CD93: variants seen among roughly 807,000 people sequenced by gnomAD.
CD93 encodes complement component C1q receptor.
Under a neutral mutation model 45.5 loss-of-function variants are expected in CD93, and 44 were observed. The ratio of observed to expected loss-of-function variants is 0.97; its 90% CI spans 0.76 to 1.24. The LOEUF is 1.24. Ranked by LOEUF, CD93 falls within the 50% of genes most tolerant of loss-of-function variation. The pLI is 0.00. For synonymous variants in CD93, 431 were observed against 370.8 expected (o/e 1.16, Z -1.87); for missense variants, 918 against 844.5 (o/e 1.09, Z -1.08).
In CD93 at chr20:23,085,380, G is replaced by A. The variant is rs1390515553; in HGVS notation, c.813C>T (p.Cys271=). The A allele has an allele frequency of 2.5e-6, 4 of 1,613,804 alleles. No homozygotes were observed. The highest frequency in any genetic ancestry group is 3.3e-5 in the Admixed American group (2 of 60,004). ...KYGCNFNNGG[C]HQDCFEGGDG... ...CCCCCCCTTCAAAGCAGTCCTGGTGGCAGCCCCCATTGTTGAAGTTGCAGC... is the reference window on the plus strand; with the variant it reads ...CCCCCCCTTCAAAGCAGTCCTGGTGACAGCCCCCATTGTTGAAGTTGCAGC... The change falls in exon 1 of 2, where the codon TGC becomes TGT. Residue 271 remains cysteine, a synonymous_variant. Coordinates refer to ENST00000246006, the MANE Select transcript of CD93 (RefSeq NM_012072.4).
At position 23,084,374 on chromosome 20, in the gene CD93, G is replaced by A. The variant is rs780310991; in HGVS notation, c.1819C>T (p.Arg607Cys). The change falls in exon 1 of 2, where the codon CGC becomes TGC. Residue 607 changes from arginine (R) to cysteine (C), a missense_variant. Arg to Cys is a radical substitution (Grantham distance 180). Transcript: ENST00000246006. ...TCCTCCCTCTTCGCTCTCCGCTTGCGATAGACCAGTAGCCCCAGAGCCAGG... is the reference window on the plus strand; with the variant it reads ...TCCTCCCTCTTCGCTCTCCGCTTGCAATAGACCAGTAGCCCCAGAGCCAGG... ...LALALGLLVY[R>C]KRRAKREEKK... is the part of the protein sequence containing the mutation. 16 of 1,614,094 alleles carry A rather than the reference G, an allele frequency of 9.9e-6. No homozygotes were observed. The highest frequency in any genetic ancestry group is 6.7e-5 in the Admixed American group (4 of 60,006).
At position 23,084,971 on chromosome 20, in the gene CD93, G is replaced by A; in HGVS notation, c.1222C>T (p.His408Tyr). 6.2e-7 allele frequency: 1 copy of A among 1,613,830 alleles called. No individual in the cohort carries two copies. Among genetic ancestry groups the A allele is most frequent in the Non-Finnish European group, 8.5e-7 (1 of 1,180,000 alleles). Residue 408 changes from histidine to tyrosine, a missense_variant, in exon 1 of 2, where the codon CAC becomes TAC. Transcript: ENST00000246006. ...ACGTAGCCCTCCTCACAGGAGCAGT[G>A]AAATGAGCCATCTGTGTTGGTGCAG... ...QGCTNTDGSF[H>Y]CSCEEGYVLA...
rs1276620144 is a variant in CD93 at position 23,083,763 on chromosome 20, A to G, written c.*187T>C. ...CACGCCAACACACAGCTTCCACTTCAGGAACATCAAACACCCGTAGAAAAT... is the reference window on the plus strand; with the variant it reads ...CACGCCAACACACAGCTTCCACTTCGGGAACATCAAACACCCGTAGAAAAT... On this transcript the variant is annotated 3_prime_UTR_variant, in exon 2 of 2. Transcript: ENST00000246006. 1 of 638,842 alleles carries G rather than the reference A, an allele frequency of 1.6e-6. No homozygotes were observed. The highest frequency in any genetic ancestry group is 1.8e-5 in the African/African-American group (1 of 54,694). 39.6% of individuals were successfully genotyped at this position (638,842 alleles called of 1,614,324 possible). A position where few individuals can be genotyped will look rare whatever the true frequency, so the allele number is the denominator to read the frequency against.
rs1359602891 is a variant in CD93 at position 23,081,856 on chromosome 20, A to T, written c.*2094T>A. The T allele has an allele frequency of 6.6e-6, 1 of 152,204 alleles. No homozygotes were observed. Among genetic ancestry groups the T allele is most frequent in the East Asian group, 1.9e-4 (1 of 5,188 alleles). The allele number at this position is 152,204 out of a possible 1,614,324, so 9.4% of individuals were successfully genotyped here. On this transcript the variant is annotated 3_prime_UTR_variant, in exon 2 of 2. Transcript: ENST00000246006. ...AGAAATGTCTCCTTCACCCCAAATGATAAGGGCAAGGATTTTCAAGGCCCA... is the reference window on the plus strand; with the variant it reads ...AGAAATGTCTCCTTCACCCCAAATGTTAAGGGCAAGGATTTTCAAGGCCCA...
Position 23,082,762 on chromosome 20 carries a change from A to C in CD93, c.*1188T>G, listed in dbSNP as rs551248986. On this transcript the variant is annotated 3_prime_UTR_variant, in exon 2 of 2. Transcript: ENST00000246006. ...TTACCCCCAATTTTAAGGAAAAGAGACAGAGAACAAAAGTTCCTTAAGCAA... is the reference window on the plus strand; with the variant it reads ...TTACCCCCAATTTTAAGGAAAAGAGCCAGAGAACAAAAGTTCCTTAAGCAA... 6.6e-6 allele frequency: 1 copy of C among 152,382 alleles called. No homozygotes were observed. The highest frequency in any genetic ancestry group is 6.5e-5 in the Admixed American group (1 of 15,278). The allele number at this position is 152,382 out of a possible 1,614,324, so 9.4% of individuals were successfully genotyped here.
Position 23,085,151 on chromosome 20 carries a change from C to T in CD93, c.1042G>A (p.Glu348Lys), listed in dbSNP as rs1425826446. 1.3e-6 allele frequency: 2 copies of T among 1,580,424 alleles called. No homozygotes were observed. The highest frequency in any genetic ancestry group is 1.3e-5 in the African/African-American group (1 of 74,322). ...TGGGCACAGGGGGAGTCCTGGCATT[C>T]ATCCACGTCCACACAGTCCAGCTGA... ...SSQLDCVDVD[E>K]CQDSPCAQEC... is the part of the protein sequence containing the mutation. The change falls in exon 1 of 2, where the codon GAA becomes AAA. Residue 348 changes from glutamate to lysine, a missense_variant. Physicochemically the swap from Glu to Lys is moderately conservative, Grantham distance 56. Transcript: ENST00000246006.
Position 23,084,619 on chromosome 20 carries a change from G to A in CD93, c.1574C>T (p.Ala525Val). The A allele has an allele frequency of 6.2e-7, 1 of 1,608,266 alleles. No individual in the cohort carries two copies. The highest frequency in any genetic ancestry group is 8.5e-7 in the Non-Finnish European group (1 of 1,176,744). ...TTSRPSLSSD[A>V]PITSAPLKML... ...CTTGAGTGGGGCAGATGTGATGGGGGCGTCAGATGACAGCGAAGGTCTACT... is the reference window on the plus strand; with the variant it reads ...CTTGAGTGGGGCAGATGTGATGGGGACGTCAGATGACAGCGAAGGTCTACT... Residue 525 changes from alanine to valine, a missense_variant, in exon 1 of 2, where the codon GCC (alanine) becomes GTC (valine). Transcript: ENST00000246006.
chr20:23,085,028 A>T lies in CD93; in HGVS notation c.1165T>A (p.Cys389Ser). ...GCGCAAGGCGAGCGACCCAGAGCAC[A>T]CTCATCCACATCCTGACAGGCCCCC... The part of the protein sequence containing the change: ...GEGACQDVDE[C>S]ALGRSPCAQG... The change falls in exon 1 of 2, where the codon TGT (cysteine) becomes AGT (serine). Residue 389 changes from cysteine to serine, a missense_variant. By Grantham distance (112) the Cys-to-Ser change is moderately radical (BLOSUM62 -1). Transcript: ENST00000246006. The T allele has an allele frequency of 6.2e-7, 1 of 1,613,832 alleles. No homozygotes were observed. Among genetic ancestry groups the T allele is most frequent in the South Asian group, 1.1e-5 (1 of 91,086 alleles).
rs1985421326 is a variant in CD93, at chr20:23,084,630, C to T, written c.1563G>A (p.Leu521=). The stretch of plus-strand genomic sequence containing the variant: ...CAGATGTGATGGGGGCGTCAGATGA[C>T]AGCGAAGGTCTACTTGTGGTGGGTG... The part of the protein sequence containing the change: ...KATPTTSRPS[L]SSDAPITSAP... Residue 521 remains leucine (L), a synonymous_variant, in exon 1 of 2, where the codon CTG becomes CTA. Transcript: ENST00000246006. 1.2e-6 allele frequency: 2 copies of T among 1,603,952 alleles called. No individual in the cohort carries two copies. The highest frequency in any genetic ancestry group is 8.5e-7 in the Non-Finnish European group (1 of 1,174,634).
rs1345792797 is a variant in CD93 at position 23,079,826 on chromosome 20, AT to A, written c.*4123del. On this transcript the variant is annotated 3_prime_UTR_variant, in exon 2 of 2. Coordinates refer to ENST00000246006, the MANE Select transcript of CD93 (RefSeq NM_012072.4). ...AGGGATTCCAGAGCTTCTACCTAAA[AT>A]AGAAGGGCATTATCTACAAGAACAG... 6.6e-6 allele frequency: 1 copy of A among 152,074 alleles called. No homozygotes were observed. Among genetic ancestry groups the A allele is most frequent in the African/African-American group, 2.4e-5 (1 of 41,380 alleles). The allele number at this position is 152,074 out of a possible 1,614,324, so 9.4% of individuals were successfully genotyped here.
rs1402463566 is a variant in CD93 at position 23,085,001 on chromosome 20, G to A, written c.1192C>T (p.Gln398Ter). ...GAGCCATCTGTGTTGGTGCAGCCCT[G>A]GGCGCAAGGCGAGCGACCCAGAGCA... is the stretch of plus-strand genomic sequence containing the variant. ...ECALGRSPCAQGCTNTDGSFH... is the reference protein window; with the variant it reads ...ECALGRSPCA The change falls in exon 1 of 2, where the codon CAG becomes TAG. Residue 398 changes from glutamine to a stop codon, truncating the protein, a stop_gained. Coordinates refer to ENST00000246006, the MANE Select transcript of CD93 (RefSeq NM_012072.4). LOFTEE classifies it high-confidence loss of function. 1.7e-5 allele frequency: 27 copies of A among 1,613,808 alleles called. No individual in the cohort carries two copies. Among genetic ancestry groups the A allele is most frequent in the Non-Finnish European group, 2.3e-5 (27 of 1,180,004 alleles).
chr20:23,080,384 G>C lies in CD93; in HGVS notation c.*3566C>G, dbSNP rs572422397. The C allele has an allele frequency of 6.6e-6, 1 of 152,526 alleles. No homozygotes were observed. Among genetic ancestry groups the C allele is most frequent in the South Asian group, 2.1e-4 (1 of 4,828 alleles). 9.4% of individuals were successfully genotyped at this position (152,526 alleles called of 1,614,324 possible). ...GCTCAGGGATAAGACACTCAAACAAGGGCTTGTGATGAGGATGGAAAAGAC... is the reference window on the plus strand; with the variant it reads ...GCTCAGGGATAAGACACTCAAACAACGGCTTGTGATGAGGATGGAAAAGAC... On this transcript the variant is annotated 3_prime_UTR_variant, in exon 2 of 2. Transcript: ENST00000246006.
In CD93 at chr20:23,083,920, G is replaced by T. The variant is rs1395250563; in HGVS notation, c.*30C>A. ...CAAAGCTCTGAGGATGGTGGCTGGT[G>T]ACTCTAGTGTCTCTAGGGCCACCTC... On this transcript the variant is annotated 3_prime_UTR_variant, in exon 2 of 2. Transcript: ENST00000246006. 1.9e-6 allele frequency: 3 copies of T among 1,610,834 alleles called. No homozygotes were observed. Among genetic ancestry groups the T allele is most frequent in the Non-Finnish European group, 1.7e-6 (2 of 1,176,992 alleles).
At position 23,080,248 on chromosome 20, in the gene CD93, ATT is replaced by A. The variant is rs984830215; in HGVS notation, c.*3700_*3701del. 4.6e-5 allele frequency: 7 copies of A among 151,898 alleles called. No individual in the cohort carries two copies. The East Asian group carries it at 5.8e-4, about 13-fold the overall frequency. 9.4% of individuals were successfully genotyped at this position (151,898 alleles called of 1,614,324 possible). A position where few individuals can be genotyped will look rare whatever the true frequency, so the allele number is the denominator to read the frequency against. The stretch of plus-strand genomic sequence containing the variant: ...AAAAGACTGTGTTATTTTTAATTCA[ATT>A]TTTTTTTGTCAAATCTCATCTCTGT... On this transcript the variant is annotated 3_prime_UTR_variant, in exon 2 of 2. Transcript: ENST00000246006.
rs758120650 is a variant in CD93, at chr20:23,085,288, G to A, written c.905C>T (p.Ser302Phe). The change falls in exon 1 of 2, where the codon TCT (serine) becomes TTT (phenylalanine). Residue 302 changes from serine to phenylalanine, a missense_variant. By Grantham distance (155) the Ser-to-Phe change is radical (BLOSUM62 -2). Coordinates refer to ENST00000246006, the MANE Select transcript of CD93 (RefSeq NM_012072.4). ...TGGGCTGGAGCTGCAAGGGTTTCGA[G>A]AGGCACAGGTCACCAGGTCATCCAG... ...RLLDDLVTCA[S>F]RNPCSSSPCR... 3.1e-6 allele frequency: 5 copies of A among 1,613,870 alleles called. No homozygotes were observed. The South Asian group carries it at 3.3e-5, about 11-fold the overall frequency.
At chr20:23,084,147 T>C (rs1341484992) in intron 1 of CD93, 112 bp downstream of exon 1, 1 of 1,436,528 alleles carries the variant, frequency 7.0e-7, no homozygotes, top group Non-Finnish European at 9.7e-7. Context: ...AGGACCAGGG[T>C]GTGTCTGCCC....
Position 23,086,257 on chromosome 20 carries a change from G to A in CD93, c.-65C>T, listed in dbSNP as rs1319355519. 2.8e-6 allele frequency: 4 copies of A among 1,452,336 alleles called. No homozygotes were observed. In the East Asian group the frequency reaches 1.0e-4, roughly 36 times the overall value. 90.0% of individuals were successfully genotyped at this position (1,452,336 alleles called of 1,614,324 possible). A position where few individuals can be genotyped will look rare whatever the true frequency, so the allele number is the denominator to read the frequency against. ...CAGCGGCGACAGGAGCTTCTATCTC[G>A]GCTCCCAGCTGGGCCCCAAGGGGAG... On this transcript the variant is annotated 5_prime_UTR_variant, in exon 1 of 2. Coordinates refer to ENST00000246006, the MANE Select transcript of CD93 (RefSeq NM_012072.4).
In CD93 at chr20:23,084,945, G is replaced by A; in HGVS notation, c.1248C>T (p.Val416=). 1 of 1,613,626 alleles carries A rather than the reference G, an allele frequency of 6.2e-7. No individual in the cohort carries two copies. The highest frequency in any genetic ancestry group is 1.1e-5 in the South Asian group (1 of 91,088). ...ACTGAGTCCCGTCCTCCCCGGCCAG[G>A]ACGTAGCCCTCCTCACAGGAGCAGT... ...SFHCSCEEGY[V]LAGEDGTQCQ... The change falls in exon 1 of 2, where the codon GTC becomes GTT. Residue 416 remains valine, a synonymous_variant. Transcript: ENST00000246006.
At position 23,083,762 on chromosome 20, in the gene CD93, C is replaced by T. The variant is rs1437358102; in HGVS notation, c.*188G>A. The T allele has an allele frequency of 6.1e-5, 39 of 638,558 alleles. No homozygotes were observed. Among genetic ancestry groups the T allele is most frequent in the Non-Finnish European group, 1.1e-4 (38 of 348,832 alleles). 39.6% of individuals were successfully genotyped at this position (638,558 alleles called of 1,614,324 possible). ...GCACGCCAACACACAGCTTCCACTTCAGGAACATCAAACACCCGTAGAAAA... is the reference window on the plus strand; with the variant it reads ...GCACGCCAACACACAGCTTCCACTTTAGGAACATCAAACACCCGTAGAAAA... On this transcript the variant is annotated 3_prime_UTR_variant, in exon 2 of 2. Transcript: ENST00000246006.
Sources: allele counts gnomAD v4.1 joint callset, GRCh38; gene constraint gnomAD v4.1.1; transcripts MANE v1.5; gene names NCBI Gene and HGNC (gene_info 2026-07-23, HGNC 2026-07-21).